MGAT4C: variants seen among roughly 807,000 people sequenced by gnomAD.
MGAT4C encodes alpha-1,3-mannosyl-glycoprotein 4-beta-N-acetylglucosaminyltransferase C.
MGAT4C carries 19 observed loss-of-function variants against 40.1 expected under a neutral mutation model. The ratio of observed to expected loss-of-function variants is 0.47; its 90% CI spans 0.33 to 0.70. The LOEUF (loss-of-function observed/expected upper bound fraction) is 0.70, where lower values mean the gene tolerates loss of function less well. MGAT4C is among the 30% of genes least tolerant of loss of function. The probability of loss-of-function intolerance (pLI) is 0.02; values close to 1 mark genes in which losing one functional copy is unlikely to be tolerated. For missense variants in MGAT4C, 491 were observed against 563.2 expected (o/e 0.87, Z 1.30); for synonymous variants, 181 against 187.1 (o/e 0.97, Z 0.27).
At chr12:86,462,844 C>T (rs7978374) in intron 2 of MGAT4C, among the ~76,000 whole-genome samples, 5,115 of 152,160 alleles carry the variant, frequency 0.034, 205 homozygotes, top group African/African-American at 0.098. Flanking sequence ...ATTCCAGCTG[C>T]GCTGGAAGCT....
chr12:86,549,393 G>A (rs1959241294), intron 2 of MGAT4C, among the ~76,000 whole-genome samples: 1 of 152,004 alleles, frequency 6.6e-6, no homozygotes, highest in South Asian at 2.1e-4. Context: ...TCTGTCAAAG[G>A]CATTTAATTA....
chr12:86,290,739 A>C (rs1156649346), intron 4 of MGAT4C, among the ~76,000 whole-genome samples: 1 of 152,148 alleles, frequency 6.6e-6, no homozygotes, highest in Non-Finnish European at 1.5e-5. Context: ...GGAATAAGTT[A>C]AAGTAAACAA....
chr12:86,796,680 A>G (rs1758519544), intron 1 of MGAT4C, among the ~76,000 whole-genome samples: 2 of 151,992 alleles, frequency 1.3e-5, no homozygotes, highest in Admixed American at 1.3e-4. Flanking sequence ...TGGGTGTACC[A>G]GTTGTCAGCA....
chr12:86,424,922 A>G (rs1956897432), intron 3 of MGAT4C, among the ~76,000 whole-genome samples: 1 of 151,676 alleles, frequency 6.6e-6, no homozygotes, highest in Non-Finnish European at 1.5e-5. Flanking sequence ...ATGCCTGGCT[A>G]ATTTTTTGTA....
chr12:86,721,468 G>C (rs1950735001), intron 2 of MGAT4C, among the ~76,000 whole-genome samples: 1 of 151,930 alleles, frequency 6.6e-6, no homozygotes, highest in African/African-American at 2.4e-5. Context: ...GGCTCAGAAG[G>C]CTTGGATTCA....
At chr12:86,358,601 C>A (rs2136199070) in intron 3 of MGAT4C, among the ~76,000 whole-genome samples, 1 of 152,198 alleles carries the variant, frequency 6.6e-6, no homozygotes, top group Non-Finnish European at 1.5e-5. Flanking sequence ...TGCAGAGACA[C>A]ACATAGGCTC....
chr12:86,679,844 A>C, intron 2 of MGAT4C, among the ~76,000 whole-genome samples: 1 of 151,906 alleles, frequency 6.6e-6, no homozygotes, highest in Admixed American at 6.6e-5. Flanking sequence ...CTACCAGTTT[A>C]GAGTATTTTG....
intron 1 of MGAT4C, among the ~76,000 whole-genome samples, chr12:86,820,226 T>A (rs1375809193): frequency 6.6e-6 from 1 of 150,852 alleles, no homozygotes; most frequent in East Asian, 1.9e-4. Flanking sequence ...TCTACTTTTA[T>A]AACATAGAAC....
At chr12:86,272,759 G>T (rs961129974) in intron 4 of MGAT4C, among the ~76,000 whole-genome samples, 4 of 151,990 alleles carry the variant, frequency 2.6e-5, no homozygotes, top group Non-Finnish European at 4.4e-5. Context: ...GGCTGCACTG[G>T]GAGGGTCACA....
At chr12:86,392,001 CTGA>C (rs1956168988) in intron 3 of MGAT4C, among the ~76,000 whole-genome samples, 1 of 152,056 alleles carries the variant, frequency 6.6e-6, no homozygotes, top group South Asian at 2.1e-4. Context: ...AGTTTTCTTA[CTGA>C]TGAGATGAGG....
intron 3 of MGAT4C, among the ~76,000 whole-genome samples, chr12:86,428,987 T>C (rs1487596142): frequency 2.0e-5 from 3 of 152,126 alleles, no homozygotes; most frequent in Admixed American, 6.5e-5. Context: ...TTTTTTCCCA[T>C]GTGCTAACTT....
At chr12:86,682,045 T>C (rs957799192) in intron 2 of MGAT4C, among the ~76,000 whole-genome samples, 5 of 151,942 alleles carry the variant, frequency 3.3e-5, no homozygotes, top group African/African-American at 1.2e-4. Flanking sequence ...TAATCTCCAG[T>C]GGATTGTGAA....
chr12:86,151,562 C>T (rs1884285892), intron 1 of MGAT4C, among the ~76,000 whole-genome samples: 1 of 151,670 alleles, frequency 6.6e-6, no homozygotes, highest in African/African-American at 2.4e-5. Context: ...CACCATTGCA[C>T]TCCAGCCTGG....
At chr12:86,246,179 C>CTTTTTTTTTTT (rs57004605) in intron 1 of MGAT4C, among the ~76,000 whole-genome samples, 12 of 70,124 alleles carry the variant, frequency 1.7e-4, no homozygotes, top group Non-Finnish European at 2.2e-4. Context: ...TGTACCATTG[C>CTTTTTTTTTTT]TTTTTTTTTT....
In MGAT4C at chr12:86,363,228, G is replaced by A. The variant is rs112542367; in HGVS notation, c.-119-29101C>T. Among the ~76,000 whole-genome samples the A allele has an allele frequency of 3.3e-3, 496 of 152,090 alleles. 2 individuals are homozygous for A. The highest frequency in any genetic ancestry group is 0.012 in the African/African-American group (480 of 41,500). On this transcript the variant is annotated intron_variant, in intron 3 of 7. Coordinates refer to the MGAT4C transcript ENST00000548651. ...GAATACATATTATTTTAAAATGTAT[G>A]TAGAACATTTGTCAAGATAGGTCTC...
intron 2 of MGAT4C, among the ~76,000 whole-genome samples, chr12:86,589,147 G>C (rs1310979525): frequency 6.6e-6 from 1 of 152,004 alleles, no homozygotes; most frequent in Non-Finnish European, 1.5e-5. Context: ...AAAATTGATA[G>C]ACCGCTGGCA....
In MGAT4C at chr12:86,167,278, T is replaced by C. The variant is rs531196327; in HGVS notation, c.-57+88961A>G. On this transcript the variant is annotated intron_variant, in intron 1 of 4. Transcript: ENST00000611864. Reference sequence around the variant, plus strand: ...TGATAGTTATAGTCATACAAAATTGTACATTTGTTGAGGTCAGAAATTATT... The same window carrying C: ...TGATAGTTATAGTCATACAAAATTGCACATTTGTTGAGGTCAGAAATTATT... 1.1e-4 allele frequency among the ~76,000 whole-genome samples: 16 copies of C among 152,362 alleles called. 1 individual carries two copies. In the South Asian group the frequency reaches 3.3e-3, roughly 32 times the overall value.
intron 2 of MGAT4C, among the ~76,000 whole-genome samples, chr12:86,532,363 G>A (rs1270693292): frequency 1.3e-5 from 2 of 151,960 alleles, no homozygotes; most frequent in Non-Finnish European, 2.9e-5. Flanking sequence ...TATCTACAGT[G>A]TAAATCTTCC....
At chr12:86,240,435 C>T (rs1951736577) in intron 1 of MGAT4C, among the ~76,000 whole-genome samples, 1 of 151,708 alleles carries the variant, frequency 6.6e-6, no homozygotes, top group African/African-American at 2.4e-5. Flanking sequence ...ATATACTGTT[C>T]TACATTTGTG....
Sources: allele counts gnomAD v4.1 joint callset (sites outside exome capture counted in the v4.1 genomes callset), GRCh38; gene constraint gnomAD v4.1.1; transcripts MANE v1.5; gene names NCBI Gene and HGNC (gene_info 2026-07-23, HGNC 2026-07-21).